Variants in CDH1 observed in about 807,000 individuals in gnomAD.
CDH1 encodes the protein cadherin 1.
In CDH1, 35 loss-of-function variants were observed where a neutral mutation model predicts 84.5. The observed-to-expected ratio is 0.41, with a 90% CI of 0.32 to 0.55. The LOEUF (loss-of-function observed/expected upper bound fraction) is 0.55. Ranked by LOEUF, CDH1 falls within the 20% of genes least tolerant of loss-of-function variation. CDH1 has a pLI of 0.19. For missense variants in CDH1, 994 were observed against 1,126.6 expected, an observed-to-expected ratio of 0.88 and a Z score of 1.68; for synonymous variants, 417 against 439.0, an observed-to-expected ratio of 0.95 and a Z score of 0.63.
In CDH1 at chr16:68,823,052, G is replaced by A. The variant is rs936368337; in HGVS notation, c.1937-347G>A. ...CCTGACCAACCTTCACAGGCCAGCCGGCCTCCAGGCCGGGCTGGGCAAAAA... is the reference window on the plus strand; with the variant it reads ...CCTGACCAACCTTCACAGGCCAGCCAGCCTCCAGGCCGGGCTGGGCAAAAA... On this transcript the variant is annotated intron_variant, in intron 12 of 15. Transcript: ENST00000261769. The A allele has an allele frequency of 1.4e-4, 39 of 287,360 alleles. 1 individual carries two copies. Among genetic ancestry groups the A allele is most frequent in the African/African-American group, 7.5e-4 (33 of 44,028 alleles). The allele number at this position is 287,360 out of a possible 1,614,324, so 17.8% of individuals were successfully genotyped here.
intron 2 of CDH1, among the ~76,000 whole-genome samples, chr16:68,778,852 G>A (rs910956804): frequency 3.9e-5 from 6 of 152,146 alleles, no homozygotes; most frequent in African/African-American, 1.4e-4. Context: ...TTAATAAGCA[G>A]TTTTCCTATG....
rs1555515728 is a variant in CDH1 at position 68,812,181 on chromosome 16, G to A, written c.1055G>A (p.Gly352Asp). The change falls in exon 8 of 16, where the codon GGT (glycine) becomes GAT (aspartate). Residue 352 changes from glycine (G) to aspartate (D), a missense_variant. By Grantham distance (94) the Gly-to-Asp change is moderately conservative (BLOSUM62 -1). Transcript: ENST00000261769. ...GTGGTTCAAGCTGCTGACCTTCAAGGTGAGGGGTTAAGCACAACAGCAACA... is the reference window on the plus strand; with the variant it reads ...GTGGTTCAAGCTGCTGACCTTCAAGATGAGGGGTTAAGCACAACAGCAACA... ...TLVVQAADLQ[G>D]EGLSTTATAV... is the part of the protein sequence containing the mutation. 6.2e-7 allele frequency: 1 copy of A among 1,614,186 alleles called. No homozygotes were observed. Among genetic ancestry groups the A allele is most frequent in the Non-Finnish European group, 8.5e-7 (1 of 1,180,024 alleles).
At chr16:68,745,896 C>T (rs1009576598) in intron 2 of CDH1, among the ~76,000 whole-genome samples, 1 of 152,154 alleles carries the variant, frequency 6.6e-6, no homozygotes, top group African/African-American at 2.4e-5. Context: ...CAGTTCACTG[C>T]AACCTCCGCC....
At position 68,822,225 on chromosome 16, in the gene CDH1, A is replaced by G. The variant is rs771064558; in HGVS notation, c.1936A>G (p.Thr646Ala). The part of the protein sequence containing the change: ...ANWTIQYNDP[T>A]QESIILKPKM... ...CTGGACCATTCAGTACAACGACCCA[A>G]GTGGGTACCTGAGTTTTATTTTGGC... Residue 646 changes from threonine to alanine, a missense_variant and splice_region_variant, in exon 12 of 16, where the codon ACC becomes GCC. Transcript: ENST00000261769. 3.1e-6 allele frequency: 5 copies of G among 1,612,060 alleles called. No individual in the cohort carries two copies. Among genetic ancestry groups the G allele is most frequent in the Non-Finnish European group, 4.2e-6 (5 of 1,178,148 alleles).
Position 68,822,077 on chromosome 16 carries a change from A to G in CDH1, c.1788A>G (p.Glu596=). The G allele has an allele frequency of 6.2e-7, 1 of 1,614,100 alleles. No individual in the cohort carries two copies. The highest frequency in any genetic ancestry group is 8.5e-7 in the Non-Finnish European group (1 of 1,180,022). Residue 596 remains glutamate, a synonymous_variant, in exon 12 of 16, where the codon GAA becomes GAG. Transcript: ENST00000261769. ...SDVNDNAPIP[E]PRTIFFCERN... ...TGAATGACAACGCCCCCATACCAGA[A>G]CCTCGAACTATATTCTTCTGTGAGA...
At chr16:68,792,952 T>C (rs1455781840) in intron 2 of CDH1, among the ~76,000 whole-genome samples, 2 of 152,216 alleles carry the variant, frequency 1.3e-5, no homozygotes, top group Non-Finnish European at 1.5e-5. Context: ...ACAGAGACGA[T>C]ACATAATTTG....
Position 68,801,670 on chromosome 16 carries a change from T to G in CDH1, c.164T>G (p.Val55Gly), listed in dbSNP as rs587778174. 171 of 1,612,426 alleles carry G rather than the reference T, an allele frequency of 1.1e-4. No individual in the cohort carries two copies. Among genetic ancestry groups the G allele is most frequent in the Non-Finnish European group, 1.4e-4 (163 of 1,178,584 alleles). ...HLERGRVLGR[V>G]NFEDCTGRQR... Reference sequence around the variant, plus strand: ...AATCTCTGTGATTTCTGCCCTGCAGTGAATTTTGAAGATTGCACCGGTCGA... The same window carrying G: ...AATCTCTGTGATTTCTGCCCTGCAGGGAATTTTGAAGATTGCACCGGTCGA... Residue 55 changes from valine to glycine, a missense_variant and splice_region_variant, in exon 3 of 16, where the codon GTG (valine) becomes GGG (glycine). Around this residue, in one of 3 missense-constraint regions of CDH1, gnomAD observed 203 missense variants for 194.0 expected, o/e 1.05. Coordinates refer to ENST00000261769, the MANE Select transcript of CDH1 (RefSeq NM_004360.5).
chr16:68,824,721 G>A (rs1422949707), intron 13 of CDH1, among the ~76,000 whole-genome samples: 1 of 152,208 alleles, frequency 6.6e-6, no homozygotes, highest in Admixed American at 6.5e-5. Context: ...GAGCCCACCT[G>A]GAGTGAGCCC....
intron 2 of CDH1, among the ~76,000 whole-genome samples, chr16:68,770,362 C>T (rs1959531671): frequency 6.6e-6 from 1 of 152,066 alleles, no homozygotes; most frequent in Non-Finnish European, 1.5e-5. Flanking sequence ...TGTCCCATCC[C>T]CACTCCCGGA....
chr16:68,823,601 T>G lies in CDH1; in HGVS notation c.2139T>G (p.Ile713Met). 6.2e-7 allele frequency: 1 copy of G among 1,613,028 alleles called. No homozygotes were observed. The highest frequency in any genetic ancestry group is 2.2e-5 in the East Asian group (1 of 44,884). ...TGCAAATTCCTGCCATTCTGGGGAT[T>G]CTTGGAGGAATTCTTGCTTTGCTAA... ...AGLQIPAILG[I>M]LGGILALLIL... Residue 713 changes from isoleucine to methionine, a missense_variant, in exon 13 of 16, where the codon ATT (isoleucine) becomes ATG (methionine). Ile to Met is a conservative substitution (Grantham distance 10). Coordinates refer to ENST00000261769, the MANE Select transcript of CDH1 (RefSeq NM_004360.5).
chr16:68,829,937 CTTTTTCTTT>C (rs1324262189), intron 15 of CDH1, 140 bp downstream of exon 15: 2 of 741,430 alleles, frequency 2.7e-6, no homozygotes, highest in African/African-American at 4.4e-5. Context: ...CCCTGTTTTC[CTTTTTCTTT>C]TTTTTTCTTT....
At chr16:68,747,655 G>A (rs905502636) in intron 2 of CDH1, among the ~76,000 whole-genome samples, 20 of 152,092 alleles carry the variant, frequency 1.3e-4, no homozygotes, top group Non-Finnish European at 2.8e-4. Flanking sequence ...CTTTATGCCA[G>A]CGTAAATTCC....
At chr16:68,758,219 T>C (rs1397449106) in intron 2 of CDH1, among the ~76,000 whole-genome samples, 5 of 127,980 alleles carry the variant, frequency 3.9e-5, no homozygotes, top group Admixed American at 7.7e-5. Flanking sequence ...TTTTTTTTTT[T>C]TTTTTTTTTT....
intron 2 of CDH1, among the ~76,000 whole-genome samples, chr16:68,746,240 G>A (rs887226737): frequency 5.3e-5 from 8 of 151,958 alleles, no homozygotes; most frequent in Non-Finnish European, 8.8e-5. Context: ...CTTGACCAAC[G>A]TGGTGAAACC....
chr16:68,823,188 A>C, intron 12 of CDH1: 1 of 551,646 alleles, frequency 1.8e-6, no homozygotes, highest in Non-Finnish European at 3.2e-6. Context: ...AACCAACTCT[A>C]GAGCCCTCTC....
chr16:68,759,604 C>A (rs1479648279), intron 2 of CDH1, among the ~76,000 whole-genome samples: 1 of 151,836 alleles, frequency 6.6e-6, no homozygotes, highest in African/African-American at 2.4e-5. Context: ...ATTCTCCTGC[C>A]TCAGCCTCCC....
intron 2 of CDH1, among the ~76,000 whole-genome samples, chr16:68,770,593 C>T (rs373080219): frequency 1.6e-4 from 24 of 151,778 alleles, no homozygotes; most frequent in African/African-American, 5.3e-4. Context: ...AGCAGTGAAA[C>T]GGGGTAGGGA....
chr16:68,782,764 C>T (rs1959920100), intron 2 of CDH1, among the ~76,000 whole-genome samples: 2 of 152,262 alleles, frequency 1.3e-5, no homozygotes, highest in African/African-American at 4.8e-5. Context: ...GAATTGTTGA[C>T]AGTGAGCCCG....
intron 2 of CDH1, among the ~76,000 whole-genome samples, chr16:68,790,086 G>T (rs942012596): frequency 6.6e-6 from 1 of 152,058 alleles, no homozygotes; most frequent in Admixed American, 6.6e-5. Context: ...AAAAACCCAG[G>T]AAAGTCTCTG....
Sources: gnomAD v4.1 joint callset for allele counts (sites outside exome capture counted in the v4.1 genomes callset) on GRCh38, gnomAD v4.1.1 for gene constraint, gnomAD v4.1.1 regional missense constraint, MANE v1.5 for transcripts, NCBI Gene and HGNC (gene_info 2026-07-23, HGNC 2026-07-21) for gene names.